Variants in CYB5RL observed in about 807,000 individuals in gnomAD.
CYB5RL encodes cytochrome b5 reductase like.
In CYB5RL, 38 loss-of-function variants were observed where a neutral mutation model predicts 37.5. The observed-to-expected ratio is 1.01, with a 90% CI of 0.78 to 1.33. The LOEUF (loss-of-function observed/expected upper bound fraction) is 1.33. Ranked by LOEUF, CYB5RL falls within the 40% of genes most tolerant of loss-of-function variation. The pLI, the probability that CYB5RL is intolerant of heterozygous loss-of-function variation, is 0.00. For missense variants in CYB5RL, 388 were observed against 394.4 expected (o/e 0.98, Z 0.14); for synonymous variants, 141 against 151.9 (o/e 0.93, Z 0.53).
chr1:54,194,285 G>A (rs917150822), intron 3 of CYB5RL, among the ~76,000 whole-genome samples: 4 of 151,572 alleles, frequency 2.6e-5, no homozygotes, highest in Admixed American at 2.0e-4. Flanking sequence ...CAGGAGAATC[G>A]CTTGAACCTG....
Position 54,195,524 on chromosome 1 carries a change from A to T in CYB5RL, c.93T>A (p.Ser31Arg), listed in dbSNP as rs764186452. 6.2e-7 allele frequency: 1 copy of T among 1,613,710 alleles called. No homozygotes were observed. The highest frequency in any genetic ancestry group is 1.7e-5 in the Admixed American group (1 of 60,014). The part of the protein sequence containing the change: ...TEPLPSQCCG[S>R]GCSPCVFDLY... ...GGTCAAACACACAGGGTGAGCAGCC[A>T]CTGCCGCAGCACTGGGAAGGCAAGG... The change falls in exon 3 of 8, where the codon AGT becomes AGA. Residue 31 changes from serine (S) to arginine (R), a missense_variant. Transcript: ENST00000534324.
In CYB5RL at chr1:54,171,664, C is replaced by T. The variant is rs1364848138; in HGVS notation, c.*2955G>A. The T allele has an allele frequency of 1.4e-5, 5 of 348,952 alleles. No homozygotes were observed. Among genetic ancestry groups the T allele is most frequent in the Admixed American group, 3.8e-5 (1 of 26,562 alleles). 21.6% of individuals were successfully genotyped at this position (348,952 alleles called of 1,614,324 possible). On this transcript the variant is annotated 3_prime_UTR_variant, in exon 8 of 8. Transcript: ENST00000534324. ...CACCTGGTTGACCTCTTGATGCCTGCGTATCATGTCTAGCTCCTAAGTCTC... is the reference window on the plus strand; with the variant it reads ...CACCTGGTTGACCTCTTGATGCCTGTGTATCATGTCTAGCTCCTAAGTCTC...
In CYB5RL at chr1:54,174,480, TAA is replaced by T; in HGVS notation, c.*137_*138del. 1.1e-6 allele frequency: 1 copy of T among 941,348 alleles called. No individual in the cohort carries two copies. Among genetic ancestry groups the T allele is most frequent in the Non-Finnish European group, 1.6e-6 (1 of 612,120 alleles). 58.3% of individuals were successfully genotyped at this position (941,348 alleles called of 1,614,324 possible). On this transcript the variant is annotated 3_prime_UTR_variant, in exon 8 of 8. Transcript: ENST00000534324. ...GATGAGAAGTAGAGGTTCTGAGCAG[TAA>T]AGACACTTGCCCAAGGTCACCTGGC...
intron 3 of CYB5RL, among the ~76,000 whole-genome samples, chr1:54,191,814 G>A (rs1643956825): frequency 6.6e-6 from 1 of 152,196 alleles, no homozygotes; most frequent in South Asian, 2.1e-4. Context: ...TCATCAGCCA[G>A]AGTACCTGGG....
intron 4 of CYB5RL, among the ~76,000 whole-genome samples, chr1:54,188,294 C>T (rs1478164568): frequency 6.6e-6 from 1 of 152,342 alleles, no homozygotes; most frequent in South Asian, 2.1e-4. Flanking sequence ...AGTTGTGTGG[C>T]TCCTCTGGGA....
intron 3 of CYB5RL, among the ~76,000 whole-genome samples, chr1:54,192,852 T>C (rs950801290): frequency 6.6e-6 from 1 of 152,036 alleles, no homozygotes; most frequent in African/African-American, 2.4e-5. Context: ...ACCTCCTGGT[T>C]CAAACAATTC....
chr1:54,198,887 A>C (rs1381448982), intron 1 of CYB5RL, among the ~76,000 whole-genome samples: 3 of 152,004 alleles, frequency 2.0e-5, no homozygotes, highest in Non-Finnish European at 4.4e-5. Flanking sequence ...CCTCCCACCT[A>C]GGTCTCCCAA....
At chr1:54,196,183 TTTTTG>T (rs1328169216) in intron 2 of CYB5RL, among the ~76,000 whole-genome samples, 181 bp downstream of exon 2, 4 of 152,166 alleles carry the variant, frequency 2.6e-5, no homozygotes, top group African/African-American at 4.8e-5. Flanking sequence ...TAAAAGATAT[TTTTTG>T]TTTTGTTTTG....
At chr1:54,177,767 G>A (rs927901615) in intron 7 of CYB5RL, among the ~76,000 whole-genome samples, 2 of 152,228 alleles carry the variant, frequency 1.3e-5, no homozygotes, top group African/African-American at 4.8e-5. Flanking sequence ...GCTGAATGAA[G>A]GGGAGTCCTT....
In CYB5RL at chr1:54,172,168, TTTATTA is replaced by T. The variant is rs1292798784; in HGVS notation, c.*2445_*2450del. 2 of 152,002 alleles carry T rather than the reference TTTATTA, an allele frequency of 1.3e-5. No homozygotes were observed. Among genetic ancestry groups the T allele is most frequent in the Non-Finnish European group, 2.9e-5 (2 of 68,064 alleles). 9.4% of individuals were successfully genotyped at this position (152,002 alleles called of 1,614,324 possible). ...AGACCCCCTTAACACTCTTTTTGAT[TTTATTA>T]TTATTATTTTGAGACAGGGTCTTGC... is the stretch of plus-strand genomic sequence containing the variant. On this transcript the variant is annotated 3_prime_UTR_variant, in exon 8 of 8. Transcript: ENST00000534324.
intron 6 of CYB5RL, among the ~76,000 whole-genome samples, chr1:54,181,140 C>T (rs1480619495): frequency 6.6e-6 from 1 of 152,264 alleles, no homozygotes; most frequent in Non-Finnish European, 1.5e-5. Flanking sequence ...TCTCTCCAGC[C>T]TCCAGGCCTT....
At chr1:54,188,547 A>C (rs903560004) in intron 4 of CYB5RL, among the ~76,000 whole-genome samples, 6 of 152,244 alleles carry the variant, frequency 3.9e-5, no homozygotes, top group African/African-American at 1.4e-4. Context: ...AAACAGGGTC[A>C]GGATAACCAC....
At chr1:54,177,624 A>G (rs1479464130) in intron 7 of CYB5RL, among the ~76,000 whole-genome samples, 1 of 152,182 alleles carries the variant, frequency 6.6e-6, no homozygotes, top group Non-Finnish European at 1.5e-5. Context: ...TACCCTGGGC[A>G]AGGTTCTTAA....
At chr1:54,175,644 T>A (rs1244695284) in intron 7 of CYB5RL, 11 of 446,630 alleles carry the variant, frequency 2.5e-5, no homozygotes, top group African/African-American at 2.2e-4. Context: ...GGGTTCCACA[T>A]TTGTGGATTC....
At chr1:54,179,921 A>T (rs1239463212) in intron 6 of CYB5RL, 1 of 453,960 alleles carries the variant, frequency 2.2e-6, no homozygotes, top group East Asian at 6.9e-5. Flanking sequence ...AGCATGTAGC[A>T]CAGCACTGGC....
chr1:54,193,772 C>T (rs746847105), intron 3 of CYB5RL, among the ~76,000 whole-genome samples: 2 of 151,374 alleles, frequency 1.3e-5, no homozygotes, highest in African/African-American at 4.9e-5. Context: ...GTCAGGAGTT[C>T]GAGACCAACG....
intron 7 of CYB5RL, among the ~76,000 whole-genome samples, chr1:54,176,065 T>C (rs1177511388): frequency 1.3e-5 from 2 of 152,176 alleles, no homozygotes; most frequent in Admixed American, 6.5e-5. Context: ...AAAGACAGGA[T>C]TGGTGGGGAG....
chr1:54,194,686 TGA>T (rs1396879504), intron 3 of CYB5RL, among the ~76,000 whole-genome samples: 2 of 151,922 alleles, frequency 1.3e-5, no homozygotes, highest in African/African-American at 2.4e-5. Context: ...CAGATGGCAT[TGA>T]GAGAGGTAGA....
In CYB5RL at chr1:54,179,179, C is replaced by G. The variant is rs566003033; in HGVS notation, c.714G>C (p.Trp238Cys). 6.2e-7 allele frequency: 1 copy of G among 1,613,446 alleles called. No individual in the cohort carries two copies. Among genetic ancestry groups the G allele is most frequent in the African/African-American group, 1.3e-5 (1 of 75,038 alleles). ...TGAGTACAAAGAAGGTACGGACATT[C>G]CAGAAACGGGCCTGCTCTTGGAGGA... is the stretch of plus-strand genomic sequence containing the variant. ...KTFLQEQARFWNVRTFFVLSQ... is the reference protein window; with the variant it reads ...KTFLQEQARFCNVRTFFVLSQ... Residue 238 changes from tryptophan to cysteine, a missense_variant, in exon 7 of 8, where the codon TGG (tryptophan) becomes TGC (cysteine). Physicochemically the swap from Trp to Cys is radical, Grantham distance 215. Coordinates refer to ENST00000534324, the MANE Select transcript of CYB5RL (RefSeq NM_001031672.4).
Sources: gnomAD v4.1 joint callset for allele counts (sites outside exome capture counted in the v4.1 genomes callset) on GRCh38, gnomAD v4.1.1 for gene constraint, MANE v1.5 for transcripts, NCBI Gene and HGNC (gene_info 2026-07-23, HGNC 2026-07-21) for gene names.